Variants in KLF8 observed in about 807,000 individuals in gnomAD.
The protein encoded by KLF8 is Krueppel-like factor 8.
In KLF8, 10 loss-of-function variants were observed where a neutral mutation model predicts 18.2. The ratio of observed to expected loss-of-function variants is 0.55; its 90% confidence interval spans 0.34 to 0.93. KLF8 has a LOEUF of 0.93. Among genes scored for constraint, KLF8 ranks in the 40% least tolerant of loss-of-function variants. The probability of loss-of-function intolerance (pLI) is 0.02; values close to 1 mark genes in which losing one functional copy is unlikely to be tolerated. For synonymous variants in KLF8, 109 were observed against 97.3 expected, an observed-to-expected ratio of 1.12 and a Z score of -0.71; for missense variants, 264 against 277.9, an observed-to-expected ratio of 0.95 and a Z score of 0.36.
chrX:56,077,966 G>A, the KLF8 span, among the ~76,000 whole-genome samples: 1 of 111,961 alleles, frequency 8.9e-6, no homozygotes, highest in Non-Finnish European at 1.9e-5. Flanking sequence ...GTATAAGAAT[G>A]CTTGTGATTT....
At chrX:56,181,601 C>T in the KLF8 span, among the ~76,000 whole-genome samples, 19 of 111,479 alleles carry the variant, frequency 1.7e-4, 1 homozygote, top group South Asian at 7.6e-4. Flanking sequence ...TAGCTGGTAC[C>T]GGTTGTTCCT....
the KLF8 span, among the ~76,000 whole-genome samples, chrX:56,120,889 A>T: frequency 9.0e-6 from 1 of 111,500 alleles, no homozygotes; most frequent in African/African-American, 3.3e-5. Flanking sequence ...GGACCTAAAG[A>T]AAACACTAAA....
the KLF8 span, among the ~76,000 whole-genome samples, chrX:56,167,510 C>T: frequency 8.9e-6 from 1 of 112,154 alleles, no homozygotes; most frequent in Admixed American, 9.5e-5. Context: ...ACCGTATTAG[C>T]TGGAAGAACA....
At chrX:55,961,710 C>T in the KLF8 span, 2 of 391,211 alleles carry the variant, frequency 5.1e-6, no homozygotes, top group Middle Eastern at 6.7e-4. Flanking sequence ...TTCAGGGATG[C>T]TGGCATGCAG....
chrX:56,159,268 G>A, the KLF8 span, among the ~76,000 whole-genome samples: 1 of 111,975 alleles, frequency 8.9e-6, no homozygotes, highest in African/African-American at 3.2e-5. Flanking sequence ...ACTTTTTGAT[G>A]TGCTGCTGAA....
At chrX:55,992,078 A>G in the KLF8 span, among the ~76,000 whole-genome samples, 1 of 112,036 alleles carries the variant, frequency 8.9e-6, no homozygotes, top group African/African-American at 3.2e-5. Flanking sequence ...TTGATAATTT[A>G]TTGTTCTTTG....
the KLF8 span, among the ~76,000 whole-genome samples, chrX:56,157,902 C>G: frequency 5.4e-5 from 6 of 111,474 alleles, no homozygotes; most frequent in Non-Finnish European, 1.1e-4. Context: ...TAATTAGATC[C>G]CATTTGTCAA....
At chrX:56,007,017 C>T in the KLF8 span, among the ~76,000 whole-genome samples, 1 of 112,193 alleles carries the variant, frequency 8.9e-6, no homozygotes, top group African/African-American at 3.2e-5. Context: ...TACATGTAGA[C>T]AAATGGCTTC....
At chrX:56,050,293 T>C in the KLF8 span, among the ~76,000 whole-genome samples, 1 of 111,958 alleles carries the variant, frequency 8.9e-6, no homozygotes. Context: ...TTTTAGTTAT[T>C]TCTTGCCTTC....
At chrX:56,104,583 C>T in the KLF8 span, among the ~76,000 whole-genome samples, 1 of 111,331 alleles carries the variant, frequency 9.0e-6, no homozygotes, top group African/African-American at 3.3e-5. Flanking sequence ...ATTTTGATTG[C>T]ATCTATTTGA....
chrX:56,001,736 A>T, the KLF8 span, among the ~76,000 whole-genome samples: 12 of 111,880 alleles, frequency 1.1e-4, no homozygotes, highest in Admixed American at 1.1e-3. Flanking sequence ...TGTAAAAGTC[A>T]TCAGTGGCTT....
chrX:56,055,013 TC>T, the KLF8 span, among the ~76,000 whole-genome samples: 1 of 111,912 alleles, frequency 8.9e-6, no homozygotes, highest in Non-Finnish European at 1.9e-5. Context: ...TGCCAATGGG[TC>T]TTGGAATTTA....
At chrX:56,124,843 A>T in the KLF8 span, among the ~76,000 whole-genome samples, 28 of 112,091 alleles carry the variant, frequency 2.5e-4, no homozygotes, top group African/African-American at 4.5e-4. Context: ...CCTGAGTCAC[A>T]AGAAGAACTC....
chrX:56,029,901 G>A, the KLF8 span, among the ~76,000 whole-genome samples: 1 of 111,539 alleles, frequency 9.0e-6, no homozygotes, highest in Admixed American at 9.5e-5. Context: ...CTTTCTCTGC[G>A]GCTTGTTGCA....
chrX:56,182,400 G>T, the KLF8 span, among the ~76,000 whole-genome samples: 4 of 111,978 alleles, frequency 3.6e-5, no homozygotes, highest in East Asian at 8.4e-4. Context: ...TTAGTCGTGG[G>T]TTTGAACATC....
At chrX:56,019,906 G>A in the KLF8 span, among the ~76,000 whole-genome samples, 1 of 111,502 alleles carries the variant, frequency 9.0e-6, no homozygotes, top group Non-Finnish European at 1.9e-5. Flanking sequence ...GGAGGCCTGT[G>A]AGGCCATTTT....
At chrX:55,985,609 G>A in the KLF8 span, among the ~76,000 whole-genome samples, 294 of 103,357 alleles carry the variant, frequency 2.8e-3, 9 homozygotes, top group East Asian at 0.081. Flanking sequence ...GCTATTCAGC[G>A]TCTTTTTTGG....
the KLF8 span, among the ~76,000 whole-genome samples, chrX:55,945,805 A>G: frequency 9.0e-6 from 1 of 111,256 alleles, no homozygotes; most frequent in African/African-American, 3.3e-5. Context: ...AGGATAAAAA[A>G]TCAATGTACA....
At chrX:56,006,062 G>A in the KLF8 span, among the ~76,000 whole-genome samples, 1 of 112,334 alleles carries the variant, frequency 8.9e-6, no homozygotes, top group Non-Finnish European at 1.9e-5. Flanking sequence ...GCTCTCTCCA[G>A]GTTCAACAGT....
Sources: gnomAD v4.1 joint callset for allele counts (sites outside exome capture counted in the v4.1 genomes callset) on GRCh38, gnomAD v4.1.1 for gene constraint, MANE v1.5 for transcripts, NCBI Gene and HGNC (gene_info 2026-07-23, HGNC 2026-07-21) for gene names.